The following LARP1B variants were observed in gnomAD, a reference collection of about 807,000 sequenced individuals.
The protein encoded by LARP1B is la-related protein 1B.
Under a neutral mutation model 114.2 loss-of-function variants are expected in LARP1B, and 76 were observed. That is an observed-to-expected ratio of 0.67 (90% CI 0.55 to 0.81). The LOEUF is 0.81. Among genes scored for constraint, LARP1B ranks in the 30% least tolerant of loss-of-function variants. The probability of loss-of-function intolerance (pLI) is 0.00; values close to 1 mark genes in which losing one functional copy is unlikely to be tolerated. For synonymous variants in LARP1B, 345 were observed against 348.0 expected, an observed-to-expected ratio of 0.99 and a Z score of 0.10; for missense variants, 1,014 against 1,075.8, an observed-to-expected ratio of 0.94 and a Z score of 0.80.
At chr4:128,115,317 C>G (rs1028026911) in intron 10 of LARP1B, among the ~76,000 whole-genome samples, 1 of 152,190 alleles carries the variant, frequency 6.6e-6, no homozygotes, top group Non-Finnish European at 1.5e-5. Flanking sequence ...AATCACAACA[C>G]TTCGGGAGGC....
intron 10 of LARP1B, among the ~76,000 whole-genome samples, chr4:128,116,985 C>T (rs1222840340): frequency 2.7e-5 from 4 of 147,698 alleles, no homozygotes; most frequent in Non-Finnish European, 5.9e-5. Flanking sequence ...AGTCTTGGCT[C>T]ACTGCAACCT....
chr4:128,125,299 AAG>A (rs1321203269), intron 11 of LARP1B, among the ~76,000 whole-genome samples: 1 of 152,160 alleles, frequency 6.6e-6, no homozygotes, highest in Admixed American at 6.5e-5. Context: ...AAAGTGCACC[AAG>A]ATCTCACAGA....
intron 5 of LARP1B, 21 bp from the exon 6 acceptor site, chr4:128,090,980 A>G (rs1380646711): frequency 6.5e-7 from 1 of 1,543,242 alleles, no homozygotes; most frequent in Non-Finnish European, 8.8e-7. Context: ...AAGTATATAA[A>G]AATATTTTTA....
At chr4:128,098,767 A>ATTTT (rs869184167) in intron 8 of LARP1B, among the ~76,000 whole-genome samples, 3 of 35,028 alleles carry the variant, frequency 8.6e-5, no homozygotes, top group African/African-American at 2.5e-4. Context: ...ATATATATAT[A>ATTTT]TTTTTTTTTT....
intron 9 of LARP1B, 73 bp downstream of exon 9, chr4:128,107,386 A>ATTTT (rs1297964338): frequency 1.3e-6 from 2 of 1,551,716 alleles, no homozygotes; most frequent in South Asian, 2.4e-5. Context: ...TTATTTATTT[A>ATTTT]TTTTCAGTTT....
chr4:128,102,535 C>T (rs1185648501), intron 8 of LARP1B, among the ~76,000 whole-genome samples: 1 of 152,202 alleles, frequency 6.6e-6, no homozygotes, highest in Non-Finnish European at 1.5e-5. Context: ...GAAAAACTCT[C>T]AAGAGAAGCA....
At chr4:128,203,442 C>T (rs538288551) in intron 17 of LARP1B, among the ~76,000 whole-genome samples, 5 of 151,044 alleles carry the variant, frequency 3.3e-5, no homozygotes, top group South Asian at 2.1e-4. Flanking sequence ...GTCGCGATCT[C>T]GGCTCACTGC....
At chr4:128,091,234 G>A in intron 6 of LARP1B, 90 bp downstream of exon 6, 1 of 1,536,494 alleles carries the variant, frequency 6.5e-7, no homozygotes, top group Non-Finnish European at 8.8e-7. Context: ...AATTTTCTTT[G>A]TCTGATAATA....
intron 3 of LARP1B, among the ~76,000 whole-genome samples, 155 bp from the exon 4 acceptor site, chr4:128,077,633 A>C (rs1223616093): frequency 6.6e-6 from 1 of 151,946 alleles, no homozygotes; most frequent in South Asian, 2.1e-4. Context: ...CTGCAGCTTT[A>C]CTTTTAACTG....
chr4:128,148,973 C>T (rs985906885), intron 11 of LARP1B, among the ~76,000 whole-genome samples: 2 of 152,172 alleles, frequency 1.3e-5, no homozygotes, highest in African/African-American at 4.8e-5. Context: ...GTTGTTATTT[C>T]CCTATGCTTT....
intron 11 of LARP1B, among the ~76,000 whole-genome samples, chr4:128,148,710 A>G (rs879549951): frequency 3.3e-5 from 5 of 151,632 alleles, no homozygotes; most frequent in Admixed American, 6.6e-5. Context: ...GCTCATTGCA[A>G]CCTCCACCCT....
At chr4:128,148,259 C>T (rs1731192236) in intron 11 of LARP1B, among the ~76,000 whole-genome samples, 1 of 151,904 alleles carries the variant, frequency 6.6e-6, no homozygotes, top group African/African-American at 2.4e-5. Flanking sequence ...GGTGAAGTCC[C>T]TCTCTACTAA....
Position 128,143,533 on chromosome 4 carries a change from T to C in LARP1B, c.1525-18661T>C, listed in dbSNP as rs577533147. Among the ~76,000 whole-genome samples the C allele has an allele frequency of 8.3e-4, 23 of 27,650 alleles. No homozygotes were observed. The South Asian group carries it at 0.018, about 21-fold the overall frequency. The allele number at this position is 27,650 out of a possible 152,430, so 18.1% of individuals were successfully genotyped here. The stretch of plus-strand genomic sequence containing the variant: ...TTCAAAATGGTGGGGTGGGTGGAGC[T>C]AATTAAACTGGAAAATCTAGGCAGA... On this transcript the variant is annotated intron_variant, in intron 11 of 19. Transcript: ENST00000326639.
chr4:128,189,987 G>T (rs1232987880), intron 15 of LARP1B, among the ~76,000 whole-genome samples: 4 of 152,102 alleles, frequency 2.6e-5, no homozygotes, highest in Non-Finnish European at 5.9e-5. Context: ...CTGCATTAGA[G>T]CATTCTGAAT....
chr4:128,084,721 C>T (rs937456139), intron 5 of LARP1B, among the ~76,000 whole-genome samples: 3 of 151,502 alleles, frequency 2.0e-5, no homozygotes, highest in Non-Finnish European at 4.4e-5. Context: ...CTTGATTTGT[C>T]CCATTATTGA....
chr4:128,191,297 G>A (rs923618244), intron 15 of LARP1B, among the ~76,000 whole-genome samples: 2 of 152,040 alleles, frequency 1.3e-5, no homozygotes, highest in Admixed American at 6.6e-5. Flanking sequence ...TCATAGTTCC[G>A]TGTTTGCTGT....
intron 11 of LARP1B, chr4:128,155,713 CGAGT>C (rs1735254874): frequency 6.2e-7 from 1 of 1,607,326 alleles, no homozygotes; most frequent in African/African-American, 1.3e-5. Flanking sequence ...GGAGCGCCGC[CGAGT>C]AAGGCCCGAG....
At chr4:128,113,889 C>T (rs1203591696) in intron 9 of LARP1B, among the ~76,000 whole-genome samples, 1 of 149,658 alleles carries the variant, frequency 6.7e-6, no homozygotes, top group Non-Finnish European at 1.5e-5. Flanking sequence ...CAGGTTCAAG[C>T]GATTCTCCTG....
At chr4:128,121,286 C>T (rs941295298) in intron 10 of LARP1B, among the ~76,000 whole-genome samples, 2 of 152,176 alleles carry the variant, frequency 1.3e-5, no homozygotes, top group Non-Finnish European at 2.9e-5. Flanking sequence ...AATCAGAAGA[C>T]CTTGATTCTA....
Sources: allele counts gnomAD v4.1 joint callset (sites outside exome capture counted in the v4.1 genomes callset), GRCh38; gene constraint gnomAD v4.1.1; transcripts MANE v1.5; gene names NCBI Gene and HGNC (gene_info 2026-07-23, HGNC 2026-07-21).